Variants in SIM2 observed in about 807,000 individuals in gnomAD.
SIM2 encodes the protein single-minded homolog 2.
SIM2 carries 28 observed loss-of-function variants against 64.8 expected under a neutral mutation model. That is an observed-to-expected ratio of 0.43 (90% CI 0.32 to 0.59). The LOEUF (loss-of-function observed/expected upper bound fraction) is 0.59. SIM2 is among the 20% of genes least tolerant of loss of function. The probability of loss-of-function intolerance (pLI) is 0.07; values close to 1 mark genes in which losing one functional copy is unlikely to be tolerated. For synonymous variants in SIM2, 408 were observed against 391.1 expected (o/e 1.04, Z -0.51); for missense variants, 847 against 871.4 (o/e 0.97, Z 0.35).
At chr21:36,743,635 G>T in intron 9 of SIM2, 80 bp downstream of exon 9, 2 of 1,346,542 alleles carry the variant, frequency 1.5e-6, no homozygotes, top group Non-Finnish European at 2.1e-6. Context: ...TAAGGAATGG[G>T]GAGCCTCTCA....
Position 36,726,509 on chromosome 21 carries a change from CTTTATTTACTTATTGATTTACTTAT to C in SIM2, c.743+210_743+234del, listed in dbSNP as rs2088893144. On this transcript the variant is annotated intron_variant, in intron 6 of 10. Transcript: ENST00000290399. The surrounding 1 kb of genome is among the most constrained non-coding windows in gnomAD (Gnocchi z 4.5). ...CCTTAGGACTCAAGGGCTTGTTTTACTTTATTTACTTATTGATTTACTTATTTTATTTACTTATTGATTACTTATT... is the reference window on the plus strand; with the variant it reads ...CCTTAGGACTCAAGGGCTTGTTTTACTTTATTTACTTATTGATTACTTATT... Among the ~76,000 whole-genome samples the C allele has an allele frequency of 6.6e-6, 1 of 152,328 alleles. No homozygotes were observed. Among genetic ancestry groups the C allele is most frequent in the South Asian group, 2.1e-4 (1 of 4,830 alleles).
chr21:36,739,616 C>A (rs1244138365), intron 7 of SIM2, among the ~76,000 whole-genome samples: 2 of 152,120 alleles, frequency 1.3e-5, no homozygotes, highest in Admixed American at 1.3e-4. Context: ...CACACACAGA[C>A]CTGCTCACAA....
intron 4 of SIM2, among the ~76,000 whole-genome samples, chr21:36,722,635 TG>T (rs2123456791): frequency 6.7e-6 from 1 of 150,200 alleles, no homozygotes; most frequent in African/African-American, 2.5e-5. Flanking sequence ...GTGGTCCTTC[TG>T]GGGCTAGAAA....
chr21:36,741,744 A>C lies in SIM2; in HGVS notation c.878A>C (p.Lys293Thr). The stretch of plus-strand genomic sequence containing the variant: ...TTGGTGAAGGGCCAGGTCACCACCA[A>C]GTACTACCGGCTGCTGTCCAAGCGG... Reference protein sequence around the residue: ...LLLVKGQVTTKYYRLLSKRGG... With the variant: ...LLLVKGQVTTTYYRLLSKRGG... The change falls in exon 8 of 11, where the codon AAG (lysine) becomes ACG (threonine). Residue 293 changes from lysine (K) to threonine (T), a missense_variant. Coordinates refer to ENST00000290399, the MANE Select transcript of SIM2 (RefSeq NM_005069.6). 2 of 1,613,566 alleles carry C rather than the reference A, an allele frequency of 1.2e-6. No individual in the cohort carries two copies. Among genetic ancestry groups the C allele is most frequent in the Non-Finnish European group, 1.7e-6 (2 of 1,180,000 alleles).
In SIM2 at chr21:36,748,268, C is replaced by T. The variant is rs1195007081; in HGVS notation, c.*176C>T. On this transcript the variant is annotated 3_prime_UTR_variant, in exon 11 of 11. Transcript: ENST00000290399. ...AGGCCCCGCGCGCCGGTGCCGAGGG[C>T]CGAGGAGCGCCCGGGTCCGGGCAGG... The T allele has an allele frequency of 3.5e-6, 1 of 286,332 alleles. No individual in the cohort carries two copies. The highest frequency in any genetic ancestry group is 5.9e-6 in the Non-Finnish European group (1 of 170,900). The allele number at this position is 286,332 out of a possible 1,614,324, so 17.7% of individuals were successfully genotyped here. A position where few individuals can be genotyped will look rare whatever the true frequency, so the allele number is the denominator to read the frequency against.
At chr21:36,736,092 G>A (rs1196292156) in intron 7 of SIM2, among the ~76,000 whole-genome samples, 1 of 152,210 alleles carries the variant, frequency 6.6e-6, no homozygotes, top group East Asian at 1.9e-4. Flanking sequence ...CAGGCAGCCT[G>A]CCAGCTTCCC....
In SIM2 at chr21:36,727,365, C is replaced by T. The variant is rs562812309; in HGVS notation, c.743+1047C>T. Reference sequence around the variant, plus strand: ...CTGAATTGAATTTTTAAGTGACAAACGCTAACTGCGTTTGGTTTTCAGGGT... The same window carrying T: ...CTGAATTGAATTTTTAAGTGACAAATGCTAACTGCGTTTGGTTTTCAGGGT... On this transcript the variant is annotated intron_variant, in intron 6 of 10. Coordinates refer to ENST00000290399, the MANE Select transcript of SIM2 (RefSeq NM_005069.6). 3.1e-4 allele frequency among the ~76,000 whole-genome samples: 47 copies of T among 152,300 alleles called. 3 individuals carry two copies. In the South Asian group the frequency reaches 8.7e-3, roughly 28 times the overall value.
chr21:36,732,444 C>G (rs552805851), intron 7 of SIM2, among the ~76,000 whole-genome samples: 2 of 152,198 alleles, frequency 1.3e-5, no homozygotes, highest in Admixed American at 6.5e-5. Flanking sequence ...GCCCGCAGGC[C>G]GCTAGGTCCA....
chr21:36,724,930 G>A (rs182879304), intron 5 of SIM2, among the ~76,000 whole-genome samples: 1 of 152,248 alleles, frequency 6.6e-6, no homozygotes, highest in East Asian at 1.9e-4. Context: ...TGTCTGTATG[G>A]CTTTTGGCTA....
At chr21:36,722,801 T>A (rs2088841212) in intron 4 of SIM2, among the ~76,000 whole-genome samples, 1 of 152,166 alleles carries the variant, frequency 6.6e-6, no homozygotes, top group Admixed American at 6.5e-5. Flanking sequence ...ATCAGGGGCC[T>A]CAGGGGTGGC....
At chr21:36,712,711 T>C (rs961811389) in intron 3 of SIM2, 89 bp downstream of exon 3, 2 of 830,242 alleles carry the variant, frequency 2.4e-6, no homozygotes, top group African/African-American at 3.4e-5. Context: ...AAAATGAGTC[T>C]GTTTAAGTGT....
intron 1 of SIM2, among the ~76,000 whole-genome samples, chr21:36,705,742 C>T (rs1000285147): frequency 2.0e-5 from 3 of 152,196 alleles, no homozygotes; most frequent in African/African-American, 7.2e-5. Flanking sequence ...CTCCCAGGTC[C>T]GATTTTCCAT....
chr21:36,699,595 A>ACCCCGGGAGGCC lies in SIM2; in HGVS notation c.-146_-135dup. The stretch of plus-strand genomic sequence containing the variant: ...GGCGGCTGCGGGGAGGCGTCTCGGA[A>ACCCCGGGAGGCC]CCCCGGGAGGCCCCCCGCACCTGCC... On this transcript the variant is annotated 5_prime_UTR_variant, in exon 1 of 11. Coordinates refer to ENST00000290399, the MANE Select transcript of SIM2 (RefSeq NM_005069.6). The surrounding 1 kb of genome is among the most constrained non-coding windows in gnomAD (Gnocchi z 5.6). The ACCCCGGGAGGCC allele has an allele frequency of 1.4e-6, 1 of 722,254 alleles. No homozygotes were observed. The highest frequency in any genetic ancestry group is 2.1e-6 in the Non-Finnish European group (1 of 482,752). The allele number at this position is 722,254 out of a possible 1,614,324, so 44.7% of individuals were successfully genotyped here.
chr21:36,736,413 A>G (rs1021197897), intron 7 of SIM2, among the ~76,000 whole-genome samples: 2 of 152,222 alleles, frequency 1.3e-5, no homozygotes, highest in Admixed American at 6.5e-5. Flanking sequence ...AGGGCCAGAC[A>G]GCCCGATGGT....
rs557003372 is a variant in SIM2 at position 36,741,781 on chromosome 21, G to A, written c.915G>A (p.Val305=). ...YRLLSKRGGW[V]WVQSYATVVH... ...TGCTGTCCAAGCGGGGCGGCTGGGT[G>A]TGGGTGCAGAGCTACGCCACCGTGG... Residue 305 remains valine, a synonymous_variant, in exon 8 of 11, where the codon GTG becomes GTA. Transcript: ENST00000290399. The A allele has an allele frequency of 2.8e-5, 45 of 1,613,060 alleles. No homozygotes were observed. The South Asian group carries it at 4.4e-4, about 16-fold the overall frequency.
chr21:36,721,091 C>T (rs554308155), intron 4 of SIM2, among the ~76,000 whole-genome samples: 2 of 152,290 alleles, frequency 1.3e-5, no homozygotes, highest in East Asian at 3.9e-4. Context: ...TGTAAAATCC[C>T]TTGCAGACAG....
At chr21:36,712,896 G>T (rs1472128095) in intron 3 of SIM2, among the ~76,000 whole-genome samples, 3 of 152,154 alleles carry the variant, frequency 2.0e-5, no homozygotes, top group African/African-American at 7.2e-5. Context: ...CCAAAACCCG[G>T]ACTATCTGCT....
In SIM2 at chr21:36,723,138, G is replaced by A; in HGVS notation, c.543+8G>A. 1 of 1,612,334 alleles carries A rather than the reference G, an allele frequency of 6.2e-7. No individual in the cohort carries two copies. The highest frequency in any genetic ancestry group is 8.5e-7 in the Non-Finnish European group (1 of 1,178,400). ...ACCTGCAGCGGATACAAGGTACGGG[G>A]AGTCATGGGTGCGGGGAGGAGCTGG... On this transcript the variant is annotated splice_region_variant and intron_variant, in intron 5 of 10. Transcript: ENST00000290399.
At chr21:36,707,047 C>T (rs1214633517) in intron 1 of SIM2, among the ~76,000 whole-genome samples, 1 of 152,158 alleles carries the variant, frequency 6.6e-6, no homozygotes, top group Non-Finnish European at 1.5e-5. Flanking sequence ...AGATTTCTCC[C>T]CAAGTCTTCC....
Sources: allele counts gnomAD v4.1 joint callset (sites outside exome capture counted in the v4.1 genomes callset), GRCh38; gene constraint gnomAD v4.1.1; non-coding constraint Gnocchi (gnomAD v3.1); transcripts MANE v1.5; gene names NCBI Gene and HGNC (gene_info 2026-07-23, HGNC 2026-07-21).